Variants in ENOX2 observed in about 807,000 individuals in gnomAD.
ENOX2 encodes the protein APK1 antigen.
Under a neutral mutation model 45.0 loss-of-function variants are expected in ENOX2, and 36 were observed. The observed-to-expected ratio is 0.80, with a 90% CI of 0.61 to 1.06. The LOEUF is 1.06. ENOX2 is among the 50% of genes least tolerant of loss of function. ENOX2 has a pLI of 0.00. For synonymous variants in ENOX2, 174 were observed against 152.3 expected (o/e 1.14, Z -1.05); for missense variants, 423 against 462.5 (o/e 0.91, Z 0.78).
At chrX:130,800,582 C>T (rs926296586) in intron 2 of ENOX2, among the ~76,000 whole-genome samples, 3 of 111,550 alleles carry the variant, frequency 2.7e-5, no homozygotes, top group Non-Finnish European at 5.7e-5. Context: ...TAAGCTCCTT[C>T]TTAATAATTG....
rs1440376767 is a variant in ENOX2, at chrX:130,622,620, A to C, written c.*2694T>G. Among the ~76,000 whole-genome samples the C allele has an allele frequency of 8.9e-6, 1 of 111,907 alleles. No homozygotes were observed. Among genetic ancestry groups the C allele is most frequent in the Non-Finnish European group, 1.9e-5 (1 of 53,252 alleles). On this transcript the variant is annotated 3_prime_UTR_variant, in exon 15 of 15. Coordinates refer to ENST00000394363, the MANE Select transcript of ENOX2 (RefSeq NM_006375.4). Reference sequence around the variant, plus strand: ...AACTACTGTATCTCATAAACATAACAAAACAGCAATATTTCAAAATTCTGG... The same window carrying C: ...AACTACTGTATCTCATAAACATAACCAAACAGCAATATTTCAAAATTCTGG...
intron 3 of ENOX2, among the ~76,000 whole-genome samples, chrX:130,726,286 G>T (rs765547919): frequency 8.9e-6 from 1 of 112,130 alleles, no homozygotes; most frequent in Non-Finnish European, 1.9e-5. Context: ...TCCCTTATGA[G>T]ATTTCCTTGT....
intron 2 of ENOX2, among the ~76,000 whole-genome samples, chrX:130,852,808 A>G (rs1364381866): frequency 1.8e-5 from 2 of 111,533 alleles, no homozygotes; most frequent in Non-Finnish European, 3.8e-5. Flanking sequence ...ATTGAAATAT[A>G]CCATTTCAAT....
chrX:130,802,299 C>T (rs772291197), intron 2 of ENOX2, among the ~76,000 whole-genome samples: 39 of 112,067 alleles, frequency 3.5e-4, no homozygotes, highest in Non-Finnish European at 6.4e-4. Context: ...TTCTGCCCTT[C>T]GGCATAGAGG....
chrX:130,761,094 C>T (rs976297593), intron 3 of ENOX2, among the ~76,000 whole-genome samples: 17 of 110,845 alleles, frequency 1.5e-4, no homozygotes, highest in Non-Finnish European at 1.1e-4. Flanking sequence ...AGGATTTTTA[C>T]GTCTGTATTC....
At chrX:130,789,425 C>T (rs1464943011) in intron 2 of ENOX2, among the ~76,000 whole-genome samples, 1 of 111,665 alleles carries the variant, frequency 9.0e-6, no homozygotes, top group East Asian at 2.8e-4. Context: ...AAAATGTGAC[C>T]CTGTGAGTGA....
At position 130,773,258 on chromosome X, in the gene ENOX2, A is replaced by T. The variant is rs1026366710; in HGVS notation, c.-39+10289T>A. ...TATTATTACCTCTATTTTGTAGGTA[A>T]AGAAACTAGGCTTCAAGAGCTGCAA... On this transcript the variant is annotated intron_variant, in intron 3 of 14. Coordinates refer to ENST00000394363, the MANE Select transcript of ENOX2 (RefSeq NM_006375.4). 6.2e-5 allele frequency among the ~76,000 whole-genome samples: 7 copies of T among 112,267 alleles called. 1 individual carries two copies. The highest frequency in any genetic ancestry group is 1.9e-4 in the African/African-American group (6 of 30,883).
intron 2 of ENOX2, among the ~76,000 whole-genome samples, chrX:130,853,877 T>C (rs770181608): frequency 9.0e-6 from 1 of 110,989 alleles, no homozygotes; most frequent in Non-Finnish European, 1.9e-5. Context: ...GGAGGCTGAG[T>C]GGAGAGTCTG....
chrX:130,826,086 G>A (rs1302885176), intron 2 of ENOX2, among the ~76,000 whole-genome samples: 2 of 110,521 alleles, frequency 1.8e-5, no homozygotes, highest in Admixed American at 1.9e-4. Context: ...ATTCCCTGCA[G>A]AAAAAAAGGA....
intron 2 of ENOX2, among the ~76,000 whole-genome samples, chrX:130,871,511 T>C (rs2078589382): frequency 9.0e-6 from 1 of 111,057 alleles, no homozygotes; most frequent in African/African-American, 3.3e-5. Context: ...AATACTGCTG[T>C]AGTTCAAAGA....
At chrX:130,706,688 T>C (rs1216210675) in intron 3 of ENOX2, among the ~76,000 whole-genome samples, 1 of 112,113 alleles carries the variant, frequency 8.9e-6, no homozygotes. Context: ...TTAATTTACA[T>C]TGATTTTGGG....
At chrX:130,881,303 G>A (rs1381814775) in intron 2 of ENOX2, among the ~76,000 whole-genome samples, 2 of 112,210 alleles carry the variant, frequency 1.8e-5, no homozygotes, top group Non-Finnish European at 3.8e-5. Context: ...TTCAGTGTTC[G>A]AACAAAATAT....
chrX:130,822,627 TGGGGTAGG>T (rs1226668868), intron 2 of ENOX2, among the ~76,000 whole-genome samples: 1 of 106,594 alleles, frequency 9.4e-6, no homozygotes, highest in Admixed American at 1.0e-4. Flanking sequence ...GGGACTGTTG[TGGGGTAGG>T]GGGAGGGGGA....
At chrX:130,700,884 C>A (rs1380359497) in intron 4 of ENOX2, among the ~76,000 whole-genome samples, 1 of 111,019 alleles carries the variant, frequency 9.0e-6, no homozygotes, top group African/African-American at 3.3e-5. Flanking sequence ...CCATGTAATC[C>A]CCTGACTTCA....
Position 130,755,768 on chromosome X carries a change from A to G in ENOX2, c.-39+27779T>C, listed in dbSNP as rs1012109015. 2.7e-5 allele frequency among the ~76,000 whole-genome samples: 3 copies of G among 111,105 alleles called. No individual in the cohort carries two copies. In the East Asian group the frequency reaches 8.4e-4, roughly 31 times the overall value. On this transcript the variant is annotated intron_variant, in intron 3 of 14. Coordinates refer to ENST00000394363, the MANE Select transcript of ENOX2 (RefSeq NM_006375.4). ...CACCCTTTTAGTAATTTTTAAATGT[A>G]CAATTAAATTATTTTGACTATAGTC... is the stretch of plus-strand genomic sequence containing the variant.
At chrX:130,682,400 C>T (rs926610323) in intron 5 of ENOX2, among the ~76,000 whole-genome samples, 11 of 107,435 alleles carry the variant, frequency 1.0e-4, no homozygotes, top group East Asian at 5.9e-4. Context: ...TTGGCTAACA[C>T]GGTGAAACCC....
intron 2 of ENOX2, among the ~76,000 whole-genome samples, chrX:130,843,134 C>T (rs969274045): frequency 9.0e-6 from 1 of 111,036 alleles, no homozygotes; most frequent in Non-Finnish European, 1.9e-5. Context: ...TGTGGGCATC[C>T]CATAAATACG....
rs780403597 is a variant in ENOX2 at position 130,696,343 on chromosome X, A to G, written c.97+6777T>C. On this transcript the variant is annotated intron_variant, in intron 4 of 14. Transcript: ENST00000394363. ...GACAGGTCCAGAGTCATGCCCTCCA[A>G]AGGTATTCACCTTTGGAGGGGCATT... Among the ~76,000 whole-genome samples the G allele has an allele frequency of 3.6e-5, 4 of 111,292 alleles. No homozygotes were observed. The South Asian group carries it at 1.2e-3, about 32-fold the overall frequency.
intron 3 of ENOX2, among the ~76,000 whole-genome samples, chrX:130,760,785 CAAAAAAAAAAAAAAAAAAAAA>C (rs555575901): frequency 2.1e-4 from 2 of 9,394 alleles, no homozygotes; most frequent in Non-Finnish European, 4.4e-4. Flanking sequence ...GACTCCATCT[CAAAAAAAAAAAAAAAAAAAAA>C]AAAAAAAAAA....
Sources: allele counts gnomAD v4.1 joint callset (sites outside exome capture counted in the v4.1 genomes callset), GRCh38; gene constraint gnomAD v4.1.1; transcripts MANE v1.5; gene names NCBI Gene and HGNC (gene_info 2026-07-23, HGNC 2026-07-21).